Variants in FMO4 observed in about 807,000 individuals in gnomAD.
The protein encoded by FMO4 is dimethylaniline monooxygenase [N-oxide-forming] 4.
FMO4 carries 38 observed loss-of-function variants against 43.3 expected under a neutral mutation model. That is an observed-to-expected ratio of 0.88 (90% CI 0.68 to 1.15). The LOEUF is 1.15. Ranked by LOEUF, FMO4 falls within the 50% of genes most tolerant of loss-of-function variation. The probability of loss-of-function intolerance (pLI) is 0.00; values close to 1 mark genes in which losing one functional copy is unlikely to be tolerated. For missense variants in FMO4, 631 were observed against 663.3 expected (o/e 0.95, Z 0.54); for synonymous variants, 224 against 232.2 (o/e 0.96, Z 0.32).
At position 171,333,150 on chromosome 1, in the gene FMO4, T is replaced by C. The variant is rs1662972279; in HGVS notation, c.827+242T>C. ...GAAAATAAAAGATGAAAACTTCCAT[T>C]TCCTGCTGTTACAAATATCACATAT... On this transcript the variant is annotated intron_variant, in intron 7 of 9. Transcript: ENST00000367749. 5 of 348,644 alleles carry C rather than the reference T, an allele frequency of 1.4e-5. No homozygotes were observed. The East Asian group carries it at 2.8e-4, about 20-fold the overall frequency. The allele number at this position is 348,644 out of a possible 1,614,324, so 21.6% of individuals were successfully genotyped here.
chr1:171,327,415 T>C (rs1253433629), intron 5 of FMO4, among the ~76,000 whole-genome samples: 1 of 152,150 alleles, frequency 6.6e-6, no homozygotes, highest in Non-Finnish European at 1.5e-5. Context: ...TACTGTATGG[T>C]TCTGGGCAAG....
At chr1:171,318,243 G>T (rs958839886) in intron 2 of FMO4, among the ~76,000 whole-genome samples, 51 of 152,084 alleles carry the variant, frequency 3.4e-4, no homozygotes, top group Admixed American at 3.3e-3. Context: ...CTTGAACCTA[G>T]GAAGTGGAGG....
chr1:171,324,379 TA>T (rs1184174570), intron 5 of FMO4, 79 bp downstream of exon 5: 18 of 1,114,758 alleles, frequency 1.6e-5, no homozygotes, highest in Middle Eastern at 2.0e-4. Context: ...CAGTTGGAAA[TA>T]CCGCCCCATG....
At chr1:171,334,314 C>G in intron 7 of FMO4, 97 bp from the exon 8 acceptor site, 2 of 706,408 alleles carry the variant, frequency 2.8e-6, no homozygotes, top group Non-Finnish European at 4.7e-6. Flanking sequence ...TCTTCCTTAG[C>G]TTGGCAGGTA....
intron 2 of FMO4, among the ~76,000 whole-genome samples, chr1:171,317,771 A>G (rs536107991): frequency 4.3e-4 from 65 of 152,274 alleles, no homozygotes; most frequent in African/African-American, 1.5e-3. Context: ...CTGCAAGCTA[A>G]GAACCTCCCC....
At chr1:171,333,819 T>C (rs559099936) in intron 7 of FMO4, among the ~76,000 whole-genome samples, 1 of 152,108 alleles carries the variant, frequency 6.6e-6, no homozygotes, top group Non-Finnish European at 1.5e-5. Flanking sequence ...ACTGAAAATA[T>C]GTATCAGTAT....
At chr1:171,319,726 C>A in intron 2 of FMO4, 92 bp from the exon 3 acceptor site, 1 of 1,034,770 alleles carries the variant, frequency 9.7e-7, no homozygotes, top group Non-Finnish European at 1.4e-6. Context: ...GAAAAAAAGG[C>A]ATATATAGCA....
At chr1:171,335,507 A>G (rs764184963) in intron 8 of FMO4, among the ~76,000 whole-genome samples, 6 of 152,216 alleles carry the variant, frequency 3.9e-5, no homozygotes, top group Admixed American at 3.3e-4. Context: ...AGTTTTAAAG[A>G]ACTGCAGTTT....
At chr1:171,327,489 C>G (rs374823317) in intron 5 of FMO4, among the ~76,000 whole-genome samples, 10 of 152,244 alleles carry the variant, frequency 6.6e-5, no homozygotes, top group Admixed American at 4.6e-4. Context: ...ACTGCAATCT[C>G]AGCAGTGCAA....
intron 9 of FMO4, among the ~76,000 whole-genome samples, chr1:171,338,586 G>A (rs1401967196): frequency 1.3e-5 from 2 of 152,020 alleles, no homozygotes; most frequent in Non-Finnish European, 2.9e-5. Flanking sequence ...CTACTCTTCT[G>A]TCAGCCTGGA....
chr1:171,324,728 A>AT, intron 5 of FMO4, among the ~76,000 whole-genome samples: 1 of 152,286 alleles, frequency 6.6e-6, no homozygotes, highest in East Asian at 1.9e-4. Flanking sequence ...AAAGCAATAT[A>AT]TTCAACCTTC....
Position 171,341,936 on chromosome 1 carries a change from C to A in FMO4, c.*97C>A. On this transcript the variant is annotated 3_prime_UTR_variant, in exon 10 of 10. Coordinates refer to ENST00000367749, the MANE Select transcript of FMO4 (RefSeq NM_002022.3). ...GCTCTCCATCATAACTGCTATTAGCCAAATTCAGGCCCAGTCATCTCCTAT... is the reference window on the plus strand; with the variant it reads ...GCTCTCCATCATAACTGCTATTAGCAAAATTCAGGCCCAGTCATCTCCTAT... 1.1e-6 allele frequency: 1 copy of A among 873,164 alleles called. No individual in the cohort carries two copies. Among genetic ancestry groups the A allele is most frequent in the Non-Finnish European group, 1.7e-6 (1 of 571,904 alleles). 54.1% of individuals were successfully genotyped at this position (873,164 alleles called of 1,614,324 possible).
intron 5 of FMO4, among the ~76,000 whole-genome samples, chr1:171,326,732 C>G (rs1361509677): frequency 2.0e-5 from 3 of 152,212 alleles, no homozygotes; most frequent in African/African-American, 7.2e-5. Context: ...GTCTAGAGCC[C>G]AAATAGCAAG....
chr1:171,323,713 ACT>A (rs1287782566), intron 4 of FMO4, among the ~76,000 whole-genome samples: 1 of 152,108 alleles, frequency 6.6e-6, no homozygotes, highest in African/African-American at 2.4e-5. Flanking sequence ...TAAATGCCAA[ACT>A]CTCATTCAGG....
At chr1:171,329,264 G>A (rs535711036) in intron 5 of FMO4, among the ~76,000 whole-genome samples, 44 of 152,226 alleles carry the variant, frequency 2.9e-4, no homozygotes, top group African/African-American at 9.4e-4. Context: ...GTCAGGTGGT[G>A]TCCCAGGTTC....
intron 5 of FMO4, among the ~76,000 whole-genome samples, chr1:171,324,594 A>G (rs912661190): frequency 6.6e-6 from 1 of 152,204 alleles, no homozygotes; most frequent in South Asian, 2.1e-4. Flanking sequence ...ATGAAAAAGA[A>G]CAGGCTTTGA....
intron 5 of FMO4, among the ~76,000 whole-genome samples, chr1:171,326,004 C>T (rs568499097): frequency 1.3e-4 from 20 of 151,418 alleles, no homozygotes; most frequent in Non-Finnish European, 2.9e-4. Flanking sequence ...TGTGTCACCA[C>T]ACCTGGCTCA....
At chr1:171,339,189 A>G (rs1356415494) in intron 9 of FMO4, among the ~76,000 whole-genome samples, 1 of 152,186 alleles carries the variant, frequency 6.6e-6, no homozygotes, top group Non-Finnish European at 1.5e-5. Flanking sequence ...ATTTAGGTAC[A>G]TATGATGCTT....
chr1:171,333,873 T>G (rs1663001968), intron 7 of FMO4, among the ~76,000 whole-genome samples: 1 of 151,968 alleles, frequency 6.6e-6, no homozygotes, highest in Non-Finnish European at 1.5e-5. Context: ...CAAGCTGGAG[T>G]GCAGTGGGTG....
Sources: allele counts gnomAD v4.1 joint callset (sites outside exome capture counted in the v4.1 genomes callset), GRCh38; gene constraint gnomAD v4.1.1; transcripts MANE v1.5; gene names NCBI Gene and HGNC (gene_info 2026-07-23, HGNC 2026-07-21).